FHIT: variants seen among roughly 807,000 people sequenced by gnomAD.
The protein encoded by FHIT is fragile histidine triad diadenosine triphosphatase, also known as bis(5'-adenosyl)-triphosphatase.
FHIT carries 19 observed loss-of-function variants against 17.9 expected under a neutral mutation model. That is an observed-to-expected ratio of 1.06 (90% CI 0.74 to 1.56). FHIT has a LOEUF of 1.56. Among genes scored for constraint, FHIT ranks in the 40% most tolerant of loss-of-function variants. The pLI, the probability that FHIT is intolerant of heterozygous loss-of-function variation, is 0.00. For missense variants in FHIT, 248 were observed against 189.2 expected (o/e 1.31, Z -1.82); for synonymous variants, 81 against 69.7 (o/e 1.16, Z -0.81).
chr3:60,629,833 T>C (rs2039392635), intron 4 of FHIT, among the ~76,000 whole-genome samples: 1 of 152,192 alleles, frequency 6.6e-6, no homozygotes, highest in Non-Finnish European at 1.5e-5. Flanking sequence ...ACAGTGCCCA[T>C]TTAAAGATGA....
chr3:60,279,512 C>G (rs1250309690), intron 5 of FHIT, among the ~76,000 whole-genome samples: 1 of 152,004 alleles, frequency 6.6e-6, no homozygotes, highest in African/African-American at 2.4e-5. Flanking sequence ...TCTCTACAAC[C>G]TTCTTTAGAT....
At chr3:60,095,967 G>C (rs1703930015) in intron 5 of FHIT, among the ~76,000 whole-genome samples, 1 of 152,110 alleles carries the variant, frequency 6.6e-6, no homozygotes, top group Non-Finnish European at 1.5e-5. Flanking sequence ...GGCTGGCTTT[G>C]AGAAGAAGGG....
chr3:60,198,296 C>T (rs532940000), intron 5 of FHIT, among the ~76,000 whole-genome samples: 1 of 152,148 alleles, frequency 6.6e-6, no homozygotes, highest in South Asian at 2.1e-4. Flanking sequence ...TCTTTACTAA[C>T]CTAAGTGCAT....
intron 4 of FHIT, among the ~76,000 whole-genome samples, chr3:60,749,225 G>A (rs1553716194): frequency 6.6e-6 from 1 of 152,164 alleles, no homozygotes; most frequent in Non-Finnish European, 1.5e-5. Flanking sequence ...AGGAGTAAAA[G>A]CCACCCTGAA....
Position 60,189,015 on chromosome 3 carries a change from A to C in FHIT, c.104-174863T>G, listed in dbSNP as rs559509690. 3.9e-5 allele frequency among the ~76,000 whole-genome samples: 6 copies of C among 152,278 alleles called. No individual in the cohort carries two copies. In the East Asian group the frequency reaches 9.7e-4, roughly 25 times the overall value. On this transcript the variant is annotated intron_variant, in intron 5 of 9. Coordinates refer to ENST00000492590, the MANE Select transcript of FHIT (RefSeq NM_002012.4). ...AAATGATCTGCAGCCCGGTGAATAA[A>C]GTTGATTCACTTAGAGAACACCAGC...
At chr3:61,249,240 C>G (rs1326683649) in intron 1 of FHIT, among the ~76,000 whole-genome samples, 2 of 152,190 alleles carry the variant, frequency 1.3e-5, no homozygotes, top group Non-Finnish European at 2.9e-5. Context: ...CTAGTCTAAT[C>G]TCTGACACAA....
At chr3:61,050,415 C>T (rs1356790064) in intron 2 of FHIT, among the ~76,000 whole-genome samples, 1 of 152,054 alleles carries the variant, frequency 6.6e-6, no homozygotes, top group South Asian at 2.1e-4. Context: ...CTTTTAGATT[C>T]TGACTTGAAC....
At chr3:60,318,055 G>T (rs1238583392) in intron 5 of FHIT, among the ~76,000 whole-genome samples, 1 of 152,068 alleles carries the variant, frequency 6.6e-6, no homozygotes, top group East Asian at 1.9e-4. Context: ...GCCTCCCAAA[G>T]TGCTGGGATT....
At chr3:60,611,858 G>A (rs1164035167) in intron 4 of FHIT, among the ~76,000 whole-genome samples, 3 of 152,204 alleles carry the variant, frequency 2.0e-5, no homozygotes, top group South Asian at 4.1e-4. Context: ...ATGGAGGTTA[G>A]TGAAAACTAC....
At chr3:59,973,622 T>G (rs1048230471) in intron 7 of FHIT, among the ~76,000 whole-genome samples, 1 of 152,174 alleles carries the variant, frequency 6.6e-6, no homozygotes, top group Non-Finnish European at 1.5e-5. Flanking sequence ...AGTTTTTTAT[T>G]AATTTCCTGC....
intron 4 of FHIT, among the ~76,000 whole-genome samples, chr3:60,611,388 A>G (rs1182069503): frequency 6.6e-6 from 1 of 152,188 alleles, no homozygotes; most frequent in Non-Finnish European, 1.5e-5. Context: ...GTGTTCCATT[A>G]TAGGAACGCT....
chr3:60,545,236 A>C (rs1669329500), intron 4 of FHIT, among the ~76,000 whole-genome samples: 1 of 152,020 alleles, frequency 6.6e-6, no homozygotes, highest in African/African-American at 2.4e-5. Flanking sequence ...TGTGTTTATC[A>C]TGGTACATGG....
intron 2 of FHIT, among the ~76,000 whole-genome samples, chr3:61,183,801 T>G (rs1031244230): frequency 2.6e-5 from 4 of 151,578 alleles, no homozygotes; most frequent in African/African-American, 9.7e-5. Context: ...ACTTCCCTGT[T>G]TGCCAGCATC....
intron 5 of FHIT, among the ~76,000 whole-genome samples, chr3:60,343,883 C>A (rs1378485008): frequency 6.6e-6 from 1 of 152,136 alleles, no homozygotes; most frequent in Non-Finnish European, 1.5e-5. Context: ...ATGAAGCATG[C>A]TTTTGGTGGC....
At chr3:59,792,989 C>A (rs933921036) in intron 8 of FHIT, among the ~76,000 whole-genome samples, 1 of 152,024 alleles carries the variant, frequency 6.6e-6, no homozygotes, top group African/African-American at 2.4e-5. Context: ...CCTCCATCCG[C>A]CTGCACTGTG....
rs190321820 is a variant in FHIT, at chr3:60,184,770, A to C, written c.104-170618T>G. Among the ~76,000 whole-genome samples the C allele has an allele frequency of 2.4e-4, 36 of 152,242 alleles. No individual in the cohort carries two copies. In the East Asian group the frequency reaches 6.0e-3, roughly 25 times the overall value. The stretch of plus-strand genomic sequence containing the variant: ...TATGAGAACTATCCGGAATTCTGCT[A>C]AACAGATTTTTCAATTCTACCTCAT... On this transcript the variant is annotated intron_variant, in intron 5 of 9. Coordinates refer to ENST00000492590, the MANE Select transcript of FHIT (RefSeq NM_002012.4).
At chr3:60,363,616 T>G (rs1483470439) in intron 5 of FHIT, among the ~76,000 whole-genome samples, 1 of 152,128 alleles carries the variant, frequency 6.6e-6, no homozygotes, top group East Asian at 1.9e-4. Flanking sequence ...TAGCTAGAAC[T>G]TGAGCCCACT....
At chr3:61,131,548 G>C (rs2036764616) in intron 2 of FHIT, among the ~76,000 whole-genome samples, 2 of 152,228 alleles carry the variant, frequency 1.3e-5, no homozygotes, top group African/African-American at 4.8e-5. Flanking sequence ...GGACTGCGTG[G>C]ATGGGCACTG....
chr3:60,083,802 T>G (rs1576061131), intron 5 of FHIT, among the ~76,000 whole-genome samples: 1 of 152,234 alleles, frequency 6.6e-6, no homozygotes, highest in Non-Finnish European at 1.5e-5. Flanking sequence ...GAAACTTTAT[T>G]TACAAAAACA....
Sources: allele counts gnomAD v4.1 joint callset (sites outside exome capture counted in the v4.1 genomes callset), GRCh38; gene constraint gnomAD v4.1.1; transcripts MANE v1.5; gene names NCBI Gene and HGNC (gene_info 2026-07-23, HGNC 2026-07-21).